PCSK5: variants seen among roughly 807,000 people sequenced by gnomAD.
PCSK5 encodes prohormone convertase 5.
A neutral mutation model predicts 233.2 loss-of-function variants in PCSK5; 129 were observed. The ratio of observed to expected loss-of-function variants is 0.55; its 90% confidence interval spans 0.48 to 0.64. The LOEUF is 0.64. Ranked by LOEUF, PCSK5 falls within the 30% of genes least tolerant of loss-of-function variation. The pLI, the probability that PCSK5 is intolerant of heterozygous loss-of-function variation, is 0.00. For synonymous variants in PCSK5, 825 were observed against 879.2 expected (o/e 0.94, Z 1.09); for missense variants, 2,076 against 2,430.1 (o/e 0.85, Z 3.06).
In PCSK5 at chr9:75,891,149, C is replaced by T; in HGVS notation, c.-33C>T. On this transcript the variant is annotated 5_prime_UTR_variant, in exon 1 of 38. Coordinates refer to ENST00000674117, the MANE Select transcript of PCSK5 (RefSeq NM_001372043.1). ...CGCGCCCTTAGTGCGCGGAACCAGC[C>T]AGCGAGCGAGGGAGCAGCGAGGCGC... is the stretch of plus-strand genomic sequence containing the variant. 6.9e-7 allele frequency: 1 copy of T among 1,441,090 alleles called. No homozygotes were observed. Among genetic ancestry groups the T allele is most frequent in the East Asian group, 2.8e-5 (1 of 36,246 alleles). The allele number at this position is 1,441,090 out of a possible 1,614,324, so 89.3% of individuals were successfully genotyped here. A position where few individuals can be genotyped will look rare whatever the true frequency, so the allele number is the denominator to read the frequency against.
At chr9:76,327,376 G>A (rs142156845) in intron 32 of PCSK5, among the ~76,000 whole-genome samples, 292 of 152,254 alleles carry the variant, frequency 1.9e-3, no homozygotes, top group African/African-American at 6.5e-3. Context: ...CAAAGTGCTA[G>A]GATTACAGGC....
chr9:76,208,777 C>A (rs746079094), intron 20 of PCSK5, among the ~76,000 whole-genome samples: 4 of 152,136 alleles, frequency 2.6e-5, no homozygotes, highest in African/African-American at 9.7e-5. Context: ...ATTGCTCATG[C>A]GGTATTTTTT....
chr9:76,024,449 A>G (rs1277011909), intron 4 of PCSK5, among the ~76,000 whole-genome samples: 1 of 152,200 alleles, frequency 6.6e-6, no homozygotes, highest in East Asian at 1.9e-4. Flanking sequence ...TTTTCAAGCT[A>G]AAAAGGAACT....
intron 5 of PCSK5, among the ~76,000 whole-genome samples, chr9:76,033,745 A>G (rs901260565): frequency 2.0e-5 from 3 of 152,176 alleles, no homozygotes; most frequent in South Asian, 2.1e-4. Context: ...TGGGGGCTCA[A>G]TCCTCATGAG....
intron 1 of PCSK5, among the ~76,000 whole-genome samples, chr9:75,901,478 C>T (rs554303862): frequency 3.3e-5 from 5 of 151,876 alleles, no homozygotes; most frequent in African/African-American, 7.2e-5. Flanking sequence ...TTGGGGGTGG[C>T]GGGAAAAGGG....
intron 24 of PCSK5, among the ~76,000 whole-genome samples, chr9:76,243,324 G>A (rs1564130748): frequency 6.6e-6 from 1 of 152,118 alleles, no homozygotes; most frequent in Admixed American, 6.5e-5. Context: ...CCTACTATAA[G>A]GGATAGCAGG....
At chr9:76,290,753 C>A (rs1413351087) in intron 24 of PCSK5, among the ~76,000 whole-genome samples, 1 of 152,186 alleles carries the variant, frequency 6.6e-6, no homozygotes, top group African/African-American at 2.4e-5. Flanking sequence ...TCTTTGGTCT[C>A]TTGCAATTAC....
At chr9:76,265,289 AAACT>A (rs985126178) in intron 24 of PCSK5, among the ~76,000 whole-genome samples, 1 of 152,094 alleles carries the variant, frequency 6.6e-6, no homozygotes, top group African/African-American at 2.4e-5. Context: ...GCGGGTTGAA[AAACT>A]AACTACTGGG....
intron 21 of PCSK5, among the ~76,000 whole-genome samples, chr9:76,230,093 G>T (rs1238576973): frequency 6.6e-6 from 1 of 152,148 alleles, no homozygotes; most frequent in Admixed American, 6.5e-5. Flanking sequence ...GGGAAAATTT[G>T]TTGGTGTCTG....
intron 1 of PCSK5, among the ~76,000 whole-genome samples, chr9:75,924,052 A>G (rs1157416735): frequency 1.3e-5 from 2 of 152,176 alleles, no homozygotes; most frequent in Non-Finnish European, 1.5e-5. Context: ...CACACCTGCA[A>G]AGTCTCTTTT....
chr9:75,931,345 C>T (rs1302333305), intron 1 of PCSK5, among the ~76,000 whole-genome samples: 7 of 150,956 alleles, frequency 4.6e-5, no homozygotes, highest in South Asian at 2.1e-4. Context: ...AGGGCAGAGC[C>T]GTGGATGTCC....
At chr9:76,115,517 G>A (rs1832388948) in intron 9 of PCSK5, among the ~76,000 whole-genome samples, 1 of 152,082 alleles carries the variant, frequency 6.6e-6, no homozygotes. Context: ...CAAGAAATAT[G>A]TGAGATTTAG....
intron 35 of PCSK5, among the ~76,000 whole-genome samples, chr9:76,349,273 C>CAAAAAAAA (rs71372068): frequency 7.5e-5 from 5 of 66,232 alleles, no homozygotes; most frequent in African/African-American, 1.1e-4. Context: ...GACTCTGTCT[C>CAAAAAAAA]AAAAAAAAAA....
intron 30 of PCSK5, among the ~76,000 whole-genome samples, chr9:76,319,484 T>A (rs1489952183): frequency 6.6e-6 from 1 of 151,648 alleles, no homozygotes; most frequent in African/African-American, 2.4e-5. Context: ...AGGTATAGGG[T>A]CAGGTGCTGA....
At chr9:76,332,343 T>A in intron 33 of PCSK5, 90 bp from the exon 34 acceptor site, 1 of 899,110 alleles carries the variant, frequency 1.1e-6, no homozygotes, top group Non-Finnish European at 1.7e-6. Context: ...AGCCCTCTCC[T>A]CCCTCCCGCC....
At chr9:76,180,449 C>T (rs1823812892) in intron 15 of PCSK5, among the ~76,000 whole-genome samples, 1 of 152,094 alleles carries the variant, frequency 6.6e-6, no homozygotes, top group South Asian at 2.1e-4. Flanking sequence ...GGGGTTGGTC[C>T]TGCTTGATCT....
At chr9:76,349,723 A>G (rs893360892) in intron 35 of PCSK5, among the ~76,000 whole-genome samples, 4 of 152,246 alleles carry the variant, frequency 2.6e-5, no homozygotes, top group African/African-American at 9.6e-5. Flanking sequence ...TTCTATGTCC[A>G]TTAATCTTAT....
intron 2 of PCSK5, among the ~76,000 whole-genome samples, chr9:75,984,754 C>G (rs901541536): frequency 6.6e-6 from 1 of 152,142 alleles, no homozygotes; most frequent in Non-Finnish European, 1.5e-5. Flanking sequence ...AACACAGTAC[C>G]TAGCACTTGT....
intron 1 of PCSK5, among the ~76,000 whole-genome samples, chr9:75,903,524 C>A (rs1826131403): frequency 7.0e-6 from 1 of 142,060 alleles, no homozygotes; most frequent in Non-Finnish European, 1.5e-5. Context: ...TGTTTATATT[C>A]TGTCTCTCTC....
Sources: gnomAD v4.1 joint callset for allele counts (sites outside exome capture counted in the v4.1 genomes callset) on GRCh38, gnomAD v4.1.1 for gene constraint, MANE v1.5 for transcripts, NCBI Gene and HGNC (gene_info 2026-07-23, HGNC 2026-07-21) for gene names.